Variants in ANO5 observed in about 807,000 individuals in gnomAD.
The protein encoded by ANO5 is anoctamin 5.
ANO5 carries 109 observed loss-of-function variants against 121.0 expected under a neutral mutation model. That is an observed-to-expected ratio of 0.90 (90% CI 0.77 to 1.06). ANO5 has a LOEUF of 1.06. ANO5 is among the 50% of genes least tolerant of loss of function. ANO5 has a pLI of 0.00. For synonymous variants in ANO5, 406 were observed against 359.9 expected, an observed-to-expected ratio of 1.13 and a Z score of -1.45; for missense variants, 1,064 against 1,078.5, an observed-to-expected ratio of 0.99 and a Z score of 0.19.
chr11:22,275,212 T>C (rs151058670), intron 20 of ANO5, among the ~76,000 whole-genome samples: 2,715 of 152,022 alleles, frequency 0.018, 38 homozygotes, highest in Middle Eastern at 0.027. Context: ...TAAAAGGTTT[T>C]ATACTGTATA....
At chr11:22,234,011 A>G (rs1327736054) in intron 7 of ANO5, among the ~76,000 whole-genome samples, 1 of 152,090 alleles carries the variant, frequency 6.6e-6, no homozygotes, top group Non-Finnish European at 1.5e-5. Context: ...TCCTGTCATA[A>G]TTCTTCAAAG....
chr11:22,206,781 A>G (rs1852135084), intron 2 of ANO5, among the ~76,000 whole-genome samples: 1 of 152,148 alleles, frequency 6.6e-6, no homozygotes, highest in African/African-American at 2.4e-5. Flanking sequence ...TTAACCTGAT[A>G]AGGAGCATCC....
intron 8 of ANO5, among the ~76,000 whole-genome samples, chr11:22,237,715 A>C (rs754212126): frequency 3.9e-5 from 6 of 152,142 alleles, no homozygotes; most frequent in Non-Finnish European, 7.4e-5. Flanking sequence ...AATTTTCCAA[A>C]ATGAGTCGCC....
chr11:22,202,999 A>G (rs555986223), intron 1 of ANO5, among the ~76,000 whole-genome samples: 3 of 152,174 alleles, frequency 2.0e-5, no homozygotes, highest in African/African-American at 4.8e-5. Flanking sequence ...GACATTAGTC[A>G]ACCCCTACAA....
chr11:22,225,306 T>A (rs913122340), intron 5 of ANO5, among the ~76,000 whole-genome samples: 16 of 151,814 alleles, frequency 1.1e-4, no homozygotes, highest in African/African-American at 3.1e-4. Flanking sequence ...AAAAATTTTT[T>A]AAAAATTATC....
chr11:22,222,564 C>T (rs1303846016), intron 5 of ANO5, among the ~76,000 whole-genome samples: 1 of 151,854 alleles, frequency 6.6e-6, no homozygotes, highest in Non-Finnish European at 1.5e-5. Context: ...AGATAAGATG[C>T]AATCGTCTTA....
rs1854202237 is a variant in ANO5, at chr11:22,262,007, G to T, written c.1631-122G>T. The T allele has an allele frequency of 3.3e-6, 3 of 900,952 alleles. No individual in the cohort carries two copies. The South Asian group carries it at 4.6e-5, about 14-fold the overall frequency. 55.8% of individuals were successfully genotyped at this position (900,952 alleles called of 1,614,324 possible). On this transcript the variant is annotated intron_variant, in intron 15 of 21. Coordinates refer to ENST00000324559, the MANE Select transcript of ANO5 (RefSeq NM_213599.3). Reference sequence around the variant, plus strand: ...ACTTAATATTGGCCTACTATCGCCAGAATGGGGAGCATTCTATAGGCTCCC... The same window carrying T: ...ACTTAATATTGGCCTACTATCGCCATAATGGGGAGCATTCTATAGGCTCCC...
At chr11:22,202,387 G>A (rs541054648) in intron 1 of ANO5, among the ~76,000 whole-genome samples, 1 of 152,194 alleles carries the variant, frequency 6.6e-6, no homozygotes, top group East Asian at 1.9e-4. Context: ...TGAGGGATTT[G>A]TGTGATCTTT....
chr11:22,274,591 C>A lies in ANO5; in HGVS notation c.2258C>A (p.Ser753Ter). 1 of 1,603,274 alleles carries A rather than the reference C, an allele frequency of 6.2e-7. No individual in the cohort carries two copies. Among genetic ancestry groups the A allele is most frequent in the Admixed American group, 1.7e-5 (1 of 59,646 alleles). Reference protein sequence around the residue: ...ATNAFIVAFTSDIIPRLVYYY... With the variant: ...ATNAFIVAFT The stretch of plus-strand genomic sequence containing the variant: ...CAGGCCTTTATTGTTGCATTTACGT[C>A]AGACATCATTCCCCGTCTAGTTTAC... The change falls in exon 20 of 22, where the codon TCA (serine) becomes TAA (stop). Residue 753 changes from serine (S) to a stop codon, truncating the protein, a stop_gained. Coordinates refer to ENST00000324559, the MANE Select transcript of ANO5 (RefSeq NM_213599.3). LOFTEE classifies it high-confidence loss of function.
intron 2 of ANO5, among the ~76,000 whole-genome samples, chr11:22,210,834 G>A (rs76405891): frequency 0.062 from 9,355 of 151,992 alleles, 955 homozygotes; most frequent in African/African-American, 0.21. Context: ...GTTGAAGGGC[G>A]TAAAATAGCC....
At chr11:22,264,022 A>AC (rs1448922724) in intron 17 of ANO5, among the ~76,000 whole-genome samples, 38 of 88,810 alleles carry the variant, frequency 4.3e-4, no homozygotes, top group Admixed American at 9.0e-4. Context: ...AAATAGCCAA[A>AC]CCTTTTTTTT....
chr11:22,205,339 G>A (rs1330295178), intron 2 of ANO5, among the ~76,000 whole-genome samples: 1 of 151,830 alleles, frequency 6.6e-6, no homozygotes, highest in Non-Finnish European at 1.5e-5. Flanking sequence ...TTGTATCTCT[G>A]GACTTAAACT....
At position 22,239,594 on chromosome 11, in the gene ANO5, C is replaced by A; in HGVS notation, c.788C>A (p.Pro263His). 1 of 1,612,744 alleles carries A rather than the reference C, an allele frequency of 6.2e-7. No individual in the cohort carries two copies. The highest frequency in any genetic ancestry group is 2.2e-5 in the East Asian group (1 of 44,788). ...HDGQYWKPSE[P>H]PNPTNERYTL... ...GGCCAATATTGGAAGCCATCAGAAC[C>A]TCCCAATCCTACCAATGAAAGATAC... Residue 263 changes from proline to histidine, a missense_variant, in exon 9 of 22, where the codon CCT becomes CAT. Physicochemically the swap from Pro to His is moderately conservative, Grantham distance 77. Transcript: ENST00000324559.
chr11:22,201,839 A>G (rs1851973533), intron 1 of ANO5, among the ~76,000 whole-genome samples: 1 of 152,168 alleles, frequency 6.6e-6, no homozygotes, highest in Admixed American at 6.6e-5. Flanking sequence ...TAAAGGGCCT[A>G]CCTCTCAACA....
At chr11:22,207,606 A>G (rs964431014) in intron 2 of ANO5, among the ~76,000 whole-genome samples, 7 of 152,126 alleles carry the variant, frequency 4.6e-5, no homozygotes, top group Non-Finnish European at 1.0e-4. Context: ...TGGAAATTAG[A>G]TCTTGGTGAA....
rs550959288 is a variant in ANO5, at chr11:22,202,890, C to T, written c.41-914C>T. Among the ~76,000 whole-genome samples, 475 of 152,266 alleles carry T rather than the reference C, an allele frequency of 3.1e-3. 6 individuals are homozygous for T. Among genetic ancestry groups the T allele is most frequent in the African/African-American group, 0.011 (446 of 41,564 alleles). ...GCCCACCTTAAATCCAGTATAACTT[C>T]ATCTCTAGATCATTAACTAATTACA... On this transcript the variant is annotated intron_variant, in intron 1 of 21. Coordinates refer to ENST00000324559, the MANE Select transcript of ANO5 (RefSeq NM_213599.3).
Position 22,250,749 on chromosome 11 carries a change from T to C in ANO5, c.1022T>C (p.Ile341Thr), listed in dbSNP as rs1253258984. 1.9e-6 allele frequency: 3 copies of C among 1,613,976 alleles called. No individual in the cohort carries two copies. The highest frequency in any genetic ancestry group is 3.3e-5 in the Admixed American group (2 of 60,026). Residue 341 changes from isoleucine (I) to threonine (T), a missense_variant, in exon 11 of 22, where the codon ATC becomes ACC. By Grantham distance (89) the Ile-to-Thr change is moderately conservative. Transcript: ENST00000324559. The part of the protein sequence containing the change: ...SMEHNTSSTE[I>T]CDPEIGGQMI... ...TGCTGTTCCTCTTGCAGCACTGAAA[T>C]CTGTGACCCTGAGATTGGTGGTCAG...
chr11:22,195,113 T>C (rs988191316), intron 1 of ANO5, among the ~76,000 whole-genome samples: 3 of 152,306 alleles, frequency 2.0e-5, no homozygotes, highest in African/African-American at 7.2e-5. Flanking sequence ...TTTTTTATTA[T>C]AGCCATCCTA....
intron 17 of ANO5, among the ~76,000 whole-genome samples, chr11:22,264,048 GAGTT>G (rs1854281753): frequency 8.7e-6 from 1 of 114,682 alleles, no homozygotes; most frequent in Non-Finnish European, 1.7e-5. Context: ...TTTTGAGACA[GAGTT>G]ACACTCTGTT....
Sources: allele counts gnomAD v4.1 joint callset (sites outside exome capture counted in the v4.1 genomes callset), GRCh38; gene constraint gnomAD v4.1.1; transcripts MANE v1.5; gene names NCBI Gene and HGNC (gene_info 2026-07-23, HGNC 2026-07-21).